Variants in PGPEP1L observed in about 807,000 individuals in gnomAD.
PGPEP1L encodes the protein pyroglutamyl-peptidase 1-like protein.
In PGPEP1L, 7 loss-of-function variants were observed where a neutral mutation model predicts 6.0. The ratio of observed to expected loss-of-function variants is 1.17; its 90% confidence interval spans 0.66 to 2.19. The LOEUF is 2.19. PGPEP1L is among the 30% of genes most tolerant of loss of function. The pLI is 0.00. For synonymous variants in PGPEP1L, 103 were observed against 83.9 expected, an observed-to-expected ratio of 1.23 and a Z score of -1.24; for missense variants, 209 against 192.5, an observed-to-expected ratio of 1.09 and a Z score of -0.51.
chr15:99,001,440 T>C (rs2017967698), intron 2 of PGPEP1L, among the ~76,000 whole-genome samples: 2 of 152,084 alleles, frequency 1.3e-5, no homozygotes, highest in African/African-American at 4.8e-5. Context: ...CTAAGGGGTG[T>C]GGGGTTTCTT....
Position 98,969,447 on chromosome 15 carries a change from T to C in PGPEP1L, c.187A>G (p.Ile63Val). 6.2e-7 allele frequency: 1 copy of C among 1,613,956 alleles called. No individual in the cohort carries two copies. Among genetic ancestry groups the C allele is most frequent in the Non-Finnish European group, 8.5e-7 (1 of 1,179,884 alleles). ...TACCTGCCTGCATCTCGGGAAAAGA[T>C]CACGTCGACACCCTCCACAGCTACG... ...KRVAVEGVDV[I>V]FSRDAGRYVC... Residue 63 changes from isoleucine to valine, a missense_variant, in exon 4 of 5, where the codon ATC becomes GTC. Physicochemically the swap from Ile to Val is conservative, Grantham distance 29 (BLOSUM62 3). Coordinates refer to ENST00000535714, the MANE Select transcript of PGPEP1L (RefSeq NM_001167902.2).
intron 2 of PGPEP1L, among the ~76,000 whole-genome samples, chr15:98,988,890 G>A (rs1478410567): frequency 6.6e-6 from 1 of 152,130 alleles, no homozygotes; most frequent in Admixed American, 6.5e-5. Flanking sequence ...AGAGTGCCCT[G>A]ACTGTTAGAA....
chr15:99,003,522 G>A (rs2018004544), intron 2 of PGPEP1L, among the ~76,000 whole-genome samples: 1 of 152,072 alleles, frequency 6.6e-6, no homozygotes. Flanking sequence ...GTTATCGTTG[G>A]TGCCAGTCTG....
chr15:98,993,280 TG>T (rs1422528039), intron 2 of PGPEP1L, among the ~76,000 whole-genome samples: 2 of 151,940 alleles, frequency 1.3e-5, no homozygotes, highest in African/African-American at 4.8e-5. Context: ...CATCAAAAAG[TG>T]GGTGAAGGAT....
chr15:99,006,971 T>C (rs1158241340), intron 1 of PGPEP1L, among the ~76,000 whole-genome samples: 2 of 152,196 alleles, frequency 1.3e-5, no homozygotes, highest in Non-Finnish European at 2.9e-5. Context: ...GAGAGCTCAG[T>C]GTGACAGCAG....
Position 98,986,204 on chromosome 15 carries a change from G to A in PGPEP1L, c.-141-15046C>T, listed in dbSNP as rs187211768. Among the ~76,000 whole-genome samples the A allele has an allele frequency of 2.8e-3, 429 of 152,320 alleles. 5 individuals are homozygous for A. The highest frequency in any genetic ancestry group is 8.9e-3 in the African/African-American group (368 of 41,568). ...AACCCTTAGAATTTTGTAAGTGATA[G>A]AAGTGTCTTTCATGGGAATGAGGTG... On this transcript the variant is annotated intron_variant, in intron 2 of 4. Coordinates refer to ENST00000535714, the MANE Select transcript of PGPEP1L (RefSeq NM_001167902.2).
At chr15:98,978,583 C>T (rs12905298) in intron 2 of PGPEP1L, among the ~76,000 whole-genome samples, 135,452 of 152,074 alleles carry the variant, frequency 0.89, 60,728 homozygotes, top group South Asian at 0.94. Flanking sequence ...CTGTGTAGAA[C>T]GGAAAAGAAC....
intron 2 of PGPEP1L, 22 bp from the exon 3 acceptor site, chr15:98,971,180 C>A: frequency 7.2e-7 from 1 of 1,397,044 alleles, no homozygotes; most frequent in Non-Finnish European, 9.5e-7. Flanking sequence ...GGCAGGTGGA[C>A]TTGCCTCAGT....
chr15:98,968,843 A>G, intron 4 of PGPEP1L, 146 bp from the exon 5 acceptor site: 3 of 790,498 alleles, frequency 3.8e-6, no homozygotes, highest in South Asian at 1.7e-5. Context: ...CACCTCAGAA[A>G]GAACATGGTG....
At chr15:98,971,367 G>T (rs2017494616) in intron 2 of PGPEP1L, among the ~76,000 whole-genome samples, 1 of 152,144 alleles carries the variant, frequency 6.6e-6, no homozygotes, top group Admixed American at 6.5e-5. Flanking sequence ...AGCAGCACCT[G>T]TCTGTAATCC....
intron 2 of PGPEP1L, among the ~76,000 whole-genome samples, chr15:98,983,135 G>A (rs1041972685): frequency 4.1e-5 from 6 of 145,676 alleles, no homozygotes; most frequent in Non-Finnish European, 8.9e-5. Flanking sequence ...GGGATTTGGT[G>A]GGAAGAATAA....
chr15:98,993,695 G>A (rs2017849125), intron 2 of PGPEP1L, among the ~76,000 whole-genome samples: 2 of 150,128 alleles, frequency 1.3e-5, no homozygotes, highest in Admixed American at 1.3e-4. Flanking sequence ...GTGGGGGAGG[G>A]ATAGCATTAG....
chr15:98,968,700 G>T lies in PGPEP1L; in HGVS notation c.210-3C>A. On this transcript the variant is annotated splice_polypyrimidine_tract_variant and splice_region_variant and intron_variant, in intron 4 of 4. Coordinates refer to ENST00000535714, the MANE Select transcript of PGPEP1L (RefSeq NM_001167902.2). ...AATAGGTATAATCACAGACGTATCT[G>T]CAACCACAGGAAATGCCACATTAAT... 6.4e-7 allele frequency: 1 copy of T among 1,557,562 alleles called. No individual in the cohort carries two copies.
In PGPEP1L at chr15:98,968,572, ATG is replaced by A; in HGVS notation, c.333_334del (p.Ile112HisfsTer38). Reference sequence around the variant, plus strand: ...CACCTCTTCCAGCATTTCCTGGATGATGACTCTCAAGGCTCTTCCCAGCAGGC... The same window carrying A: ...CACCTCTTCCAGCATTTCCTGGATGAACTCTCAAGGCTCTTCCCAGCAGGC... On this transcript the variant is annotated frameshift_variant, in exon 5 of 5. Coordinates refer to ENST00000535714, the MANE Select transcript of PGPEP1L (RefSeq NM_001167902.2). LOFTEE classifies it low-confidence loss of function (END_TRUNC). The A allele has an allele frequency of 6.3e-7, 1 of 1,579,766 alleles. No individual in the cohort carries two copies. Among genetic ancestry groups the A allele is most frequent in the Non-Finnish European group, 8.6e-7 (1 of 1,160,940 alleles).
chr15:98,969,429 C>G lies in PGPEP1L; in HGVS notation c.205G>C (p.Gly69Arg), dbSNP rs1229262263. The G allele has an allele frequency of 1.2e-6, 2 of 1,614,000 alleles. No individual in the cohort carries two copies. Among genetic ancestry groups the G allele is most frequent in the Non-Finnish European group, 1.7e-6 (2 of 1,179,906 alleles). The change falls in exon 4 of 5, where the codon GGC (glycine) becomes CGC (arginine). Residue 69 changes from glycine to arginine, a missense_variant. Transcript: ENST00000535714. The part of the protein sequence containing the change: ...GVDVIFSRDA[G>R]RYVCDYTYYL... ...CCTGACACCCACAGAGCATACCTGC[C>G]TGCATCTCGGGAAAAGATCACGTCG... is the stretch of plus-strand genomic sequence containing the variant.
At chr15:98,976,303 G>C (rs1250945719) in intron 2 of PGPEP1L, among the ~76,000 whole-genome samples, 1 of 152,096 alleles carries the variant, frequency 6.6e-6, no homozygotes, top group East Asian at 1.9e-4. Flanking sequence ...TTTTTAACCT[G>C]ACTAAAAAGT....
intron 2 of PGPEP1L, among the ~76,000 whole-genome samples, chr15:98,977,773 C>A (rs538512107): frequency 6.6e-6 from 1 of 152,322 alleles, no homozygotes; most frequent in African/African-American, 2.4e-5. Flanking sequence ...GTACTGAAAT[C>A]GTTGACTATT....
chr15:98,998,678 A>T (rs2017919769), intron 2 of PGPEP1L, among the ~76,000 whole-genome samples: 1 of 152,202 alleles, frequency 6.6e-6, no homozygotes, highest in African/African-American at 2.4e-5. Context: ...AATGGACTTA[A>T]ATATAAAAAG....
intron 2 of PGPEP1L, among the ~76,000 whole-genome samples, chr15:98,995,559 A>G (rs1400807132): frequency 2.0e-5 from 3 of 152,124 alleles, no homozygotes; most frequent in Non-Finnish European, 4.4e-5. Context: ...TTAGCTGGAC[A>G]TGGTGGCATG....
Sources: gnomAD v4.1 joint callset for allele counts (sites outside exome capture counted in the v4.1 genomes callset) on GRCh38, gnomAD v4.1.1 for gene constraint, MANE v1.5 for transcripts, NCBI Gene and HGNC (gene_info 2026-07-23, HGNC 2026-07-21) for gene names.